Variants in PYGM observed in about 807,000 individuals in gnomAD.
PYGM encodes glycogen phosphorylase, muscle form.
Under a neutral mutation model 99.3 loss-of-function variants are expected in PYGM, and 81 were observed. The observed-to-expected ratio is 0.82, with a 90% CI of 0.68 to 0.98. The LOEUF (loss-of-function observed/expected upper bound fraction) is 0.98. PYGM is among the 50% of genes least tolerant of loss of function. The pLI is 0.00. For missense variants in PYGM, 1,030 were observed against 1,158.1 expected (o/e 0.89, Z 1.61); for synonymous variants, 436 against 451.5 (o/e 0.97, Z 0.44).
intron 5 of PYGM, among the ~76,000 whole-genome samples, chr11:64,757,411 C>T (rs750188490): frequency 5.9e-5 from 9 of 152,150 alleles, no homozygotes; most frequent in Non-Finnish European, 1.3e-4. Context: ...GAATTCCTTT[C>T]GGAAGGCTCC....
chr11:64,751,869 T>C (rs1431845235), intron 14 of PYGM, 55 bp downstream of exon 14: 2 of 1,608,074 alleles, frequency 1.2e-6, no homozygotes, highest in Non-Finnish European at 1.7e-6. Flanking sequence ...ATATGTACTA[T>C]GCCGCAGGAA....
chr11:64,757,800 A>G lies in PYGM; in HGVS notation c.639T>C (p.Gly213=). 1.2e-6 allele frequency: 2 copies of G among 1,613,872 alleles called. No individual in the cohort carries two copies. Among genetic ancestry groups the G allele is most frequent in the African/African-American group, 1.3e-5 (1 of 74,914 alleles). ...TCACCTGTGTGTCCACCCACTTGGC[A>G]CCCTGGCTGGTGTGCTCCACATGGC... ...FYGHVEHTSQ[G]AKWVDTQVVL... The change falls in exon 5 of 20, where the codon GGT becomes GGC. Residue 213 remains glycine (G), a synonymous_variant. Transcript: ENST00000164139.
Position 64,751,415 on chromosome 11 carries a change from T to C in PYGM, c.1879A>G (p.Ile627Val). The change falls in exon 16 of 20, where the codon ATC becomes GTC. Residue 627 changes from isoleucine to valine, a missense_variant. By Grantham distance (29) the Ile-to-Val change is conservative (BLOSUM62 3). Transcript: ENST00000164139. ...GGGTCATGGTTGACCACATCCCCGA[T>C]GGCTGTGACGAGTCTGATGATCATC... ...AKMIIRLVTA[I>V]GDVVNHDPAV... 1 of 1,614,150 alleles carries C rather than the reference T, an allele frequency of 6.2e-7. No individual in the cohort carries two copies. The highest frequency in any genetic ancestry group is 8.5e-7 in the Non-Finnish European group (1 of 1,180,028).
At chr11:64,749,430 C>T (rs1054697631) in intron 17 of PYGM, among the ~76,000 whole-genome samples, 8 of 151,980 alleles carry the variant, frequency 5.3e-5, no homozygotes, top group African/African-American at 1.9e-4. Context: ...ATCACGAGGT[C>T]AGCAGATCGA....
intron 15 of PYGM, 43 bp downstream of exon 15, chr11:64,751,554 A>C: frequency 6.2e-7 from 1 of 1,614,052 alleles, no homozygotes; most frequent in Non-Finnish European, 8.5e-7. Context: ...CAACCTGGAT[A>C]TATCAAAGGA....
intron 12 of PYGM, 86 bp from the exon 13 acceptor site, chr11:64,752,590 C>A: frequency 7.4e-7 from 1 of 1,348,582 alleles, no homozygotes; most frequent in Non-Finnish European, 1.0e-6. Flanking sequence ...GTCAGCCAAG[C>A]CCCCTTCACC....
chr11:64,759,962 C>T lies in PYGM; in HGVS notation c.-64G>A. On this transcript the variant is annotated 5_prime_UTR_variant, in exon 1 of 20. Transcript: ENST00000164139. ...GGGGACGGCGGCCTCAGCACTGCCTCCAGCCAAGGAGTGGAGCTCCCCAGC... is the reference window on the plus strand; with the variant it reads ...GGGGACGGCGGCCTCAGCACTGCCTTCAGCCAAGGAGTGGAGCTCCCCAGC... 1 of 1,598,342 alleles carries T rather than the reference C, an allele frequency of 6.3e-7. No individual in the cohort carries two copies. Among genetic ancestry groups the T allele is most frequent in the Non-Finnish European group, 8.5e-7 (1 of 1,171,244 alleles).
rs976337682 is a variant in PYGM, at chr11:64,758,308, A to T, written c.466T>A (p.Tyr156Asn). Reference protein sequence around the residue: ...DSMATLGLAAYGYGIRYEFGI... With the variant: ...DSMATLGLAANGYGIRYEFGI... ...AACTCATAGCGAATCCCGTAGCCAT[A>T]GGCGGCCAGGCCCAGTGTTGCCATG... The change falls in exon 4 of 20, where the codon TAT becomes AAT. Residue 156 changes from tyrosine (Y) to asparagine (N), a missense_variant. Physicochemically the swap from Tyr to Asn is moderately radical, Grantham distance 143 (BLOSUM62 -2). Transcript: ENST00000164139. 5.0e-6 allele frequency: 8 copies of T among 1,614,014 alleles called. No homozygotes were observed. The highest frequency in any genetic ancestry group is 5.9e-6 in the Non-Finnish European group (7 of 1,180,022).
At position 64,750,521 on chromosome 11, in the gene PYGM, C is replaced by T. The variant is rs755716626; in HGVS notation, c.2032G>A (p.Gly678Ser). The T allele has an allele frequency of 1.1e-5, 17 of 1,614,072 alleles. No homozygotes were observed. The East Asian group carries it at 1.1e-4, about 11-fold the overall frequency. Residue 678 changes from glycine to serine, a missense_variant, in exon 17 of 20, where the codon GGC becomes AGC. Coordinates refer to ENST00000164139, the MANE Select transcript of PYGM (RefSeq NM_005609.4). ...STAGTEASGT[G>S]NMKFMLNGAL... ...CCGTTGAGCATGAACTTCATGTTGC[C>T]GGTGCCTGAGGCTTCAGTGCCCGCA...
chr11:64,753,775 C>T, intron 10 of PYGM, 93 bp from the exon 11 acceptor site: 3 of 1,545,498 alleles, frequency 1.9e-6, no homozygotes, highest in Non-Finnish European at 2.6e-6. Context: ...CCAGTGCCCC[C>T]ACTGCCCCAG....
At chr11:64,751,830 C>A in intron 14 of PYGM, 94 bp downstream of exon 14, 1 of 1,569,658 alleles carries the variant, frequency 6.4e-7, no homozygotes, top group Non-Finnish European at 8.8e-7. Flanking sequence ...AAGAGTAGTC[C>A]CAAGTCCAAA....
intron 17 of PYGM, among the ~76,000 whole-genome samples, chr11:64,749,172 C>T (rs2058335389): frequency 1.3e-5 from 2 of 151,358 alleles, no homozygotes; most frequent in East Asian, 3.9e-4. Flanking sequence ...AATGATGAAA[C>T]CCCGTCTCTA....
chr11:64,746,599 G>A lies in PYGM; in HGVS notation c.*60C>T. 6.2e-7 allele frequency: 1 copy of A among 1,607,548 alleles called. No homozygotes were observed. The highest frequency in any genetic ancestry group is 1.1e-5 in the South Asian group (1 of 90,976). On this transcript the variant is annotated 3_prime_UTR_variant, in exon 20 of 20. Coordinates refer to ENST00000164139, the MANE Select transcript of PYGM (RefSeq NM_005609.4). ...TACCCCACCCTCTGCATGAGGTGCT[G>A]GGGCTGGCCCAAGAGAGTGTGACAG...
Position 64,755,172 on chromosome 11 carries a change from T to G in PYGM, c.855+101A>C. 7.5e-7 allele frequency: 1 copy of G among 1,334,892 alleles called. No individual in the cohort carries two copies. The highest frequency in any genetic ancestry group is 1.1e-6 in the Non-Finnish European group (1 of 933,480). 82.7% of individuals were successfully genotyped at this position (1,334,892 alleles called of 1,614,324 possible). A position where few individuals can be genotyped will look rare whatever the true frequency, so the allele number is the denominator to read the frequency against. The stretch of plus-strand genomic sequence containing the variant: ...GATGCACAAGGCCAGCAATATGCCC[T>G]GGGTGTGACTAGGGCACCAGCAAGT... On this transcript the variant is annotated intron_variant, in intron 7 of 19. Transcript: ENST00000164139. This position sits in a 1 kb window ranked among gnomAD's most constrained non-coding sequence, Gnocchi z 4.1.
At chr11:64,753,253 C>T (rs2058369238) in intron 11 of PYGM, 66 bp from the exon 12 acceptor site, 3 of 1,468,424 alleles carry the variant, frequency 2.0e-6, no homozygotes, top group Non-Finnish European at 2.9e-6. Flanking sequence ...TGCCCTGGGG[C>T]CCCTACCCTG....
Position 64,746,452 on chromosome 11 carries a change from A to T in PYGM, c.*207T>A. 6.0e-6 allele frequency: 4 copies of T among 661,976 alleles called. No homozygotes were observed. The highest frequency in any genetic ancestry group is 1.0e-5 in the Non-Finnish European group (4 of 385,626). The allele number at this position is 661,976 out of a possible 1,614,324, so 41.0% of individuals were successfully genotyped here. Reference sequence around the variant, plus strand: ...GGGTGCAGTTGGTCAGACCCCATAAATAGGAGGGGACCGGGAGCCCGAGGA... The same window carrying T: ...GGGTGCAGTTGGTCAGACCCCATAATTAGGAGGGGACCGGGAGCCCGAGGA... On this transcript the variant is annotated 3_prime_UTR_variant, in exon 20 of 20. Transcript: ENST00000164139.
At position 64,752,490 on chromosome 11, in the gene PYGM, G is replaced by C. The variant is rs766794236; in HGVS notation, c.1533C>G (p.Asp511Glu). Residue 511 changes from aspartate to glutamate, a missense_variant, in exon 13 of 20, where the codon GAC becomes GAG. Asp to Glu is a conservative substitution (Grantham distance 45). Transcript: ENST00000164139. The stretch of plus-strand genomic sequence containing the variant: ...GCAGCTGGTCCAGGTCAGAGATGAA[G>C]TCCTCCCCGATGCGCTATGGGAAGA... ...AEVIAERIGE[D>E]FISDLDQLRK... 6.8e-6 allele frequency: 11 copies of C among 1,613,962 alleles called. No individual in the cohort carries two copies. In the South Asian group the frequency reaches 1.1e-4, roughly 16 times the overall value.
At chr11:64,756,455 G>C (rs1238554706) in intron 5 of PYGM, among the ~76,000 whole-genome samples, 1 of 152,154 alleles carries the variant, frequency 6.6e-6, no homozygotes, top group African/African-American at 2.4e-5. Context: ...TTTGTTTTTT[G>C]TTTGTTTGTT....
At position 64,752,462 on chromosome 11, in the gene PYGM, T is replaced by A. The variant is rs1592410003; in HGVS notation, c.1561A>T (p.Lys521Ter). 6.2e-7 allele frequency: 1 copy of A among 1,614,246 alleles called. No individual in the cohort carries two copies. The highest frequency in any genetic ancestry group is 8.5e-7 in the Non-Finnish European group (1 of 1,180,032). Residue 521 changes from lysine to a stop codon, truncating the protein, a stop_gained, in exon 13 of 20, where the codon AAA (lysine) becomes TAA (stop). Transcript: ENST00000164139. LOFTEE classifies it high-confidence loss of function. ...TCATCATCCACAAAGGAGAGCAGTT[T>A]GCGCAGCTGGTCCAGGTCAGAGATG... ...DFISDLDQLR[K>*]LLSFVDDEAF...
Sources: allele counts gnomAD v4.1 joint callset (sites outside exome capture counted in the v4.1 genomes callset), GRCh38; gene constraint gnomAD v4.1.1; non-coding constraint Gnocchi (gnomAD v3.1); transcripts MANE v1.5; gene names NCBI Gene and HGNC (gene_info 2026-07-23, HGNC 2026-07-21).